CADM2: variants seen among roughly 807,000 people sequenced by gnomAD.
CADM2 encodes the protein immunoglobulin superfamily member 4D.
Under a neutral mutation model 49.8 loss-of-function variants are expected in CADM2, and 12 were observed. That is an observed-to-expected ratio of 0.24 (90% CI 0.15 to 0.39). The LOEUF (loss-of-function observed/expected upper bound fraction) is 0.39, where lower values mean the gene tolerates loss of function less well. CADM2 is among the 10% of genes least tolerant of loss of function. The pLI is 1.00. For synonymous variants in CADM2, 214 were observed against 175.4 expected (o/e 1.22, Z -1.74); for missense variants, 378 against 492.3 (o/e 0.77, Z 2.20).
intron 5 of CADM2, among the ~76,000 whole-genome samples, chr3:85,901,413 G>A (rs899886651): frequency 2.0e-5 from 3 of 152,040 alleles, no homozygotes; most frequent in Admixed American, 2.0e-4. Context: ...AAGTTCAAGT[G>A]CATTCATTGT....
chr3:85,477,886 G>C (rs548861935), intron 1 of CADM2, among the ~76,000 whole-genome samples: 1 of 151,976 alleles, frequency 6.6e-6, no homozygotes, highest in South Asian at 2.1e-4. Context: ...GAGGTTTTCA[G>C]TAAAGCACTA....
At chr3:85,047,534 G>C (rs2035714279) in intron 1 of CADM2, among the ~76,000 whole-genome samples, 1 of 152,148 alleles carries the variant, frequency 6.6e-6, no homozygotes, top group Admixed American at 6.6e-5. Context: ...TGATGGGAGA[G>C]AAGATCACAA....
rs544064276 is a variant in CADM2, at chr3:85,095,084, C to T, written c.61+135416C>T. ...TATTTATAGAATATGGAAACTCATACCCAATGGATGTCTATCAATACCTTT... is the reference window on the plus strand; with the variant it reads ...TATTTATAGAATATGGAAACTCATATCCAATGGATGTCTATCAATACCTTT... On this transcript the variant is annotated intron_variant, in intron 1 of 9. Coordinates refer to ENST00000383699, the MANE Select transcript of CADM2 (RefSeq NM_001167675.2). 2.6e-5 allele frequency among the ~76,000 whole-genome samples: 4 copies of T among 152,196 alleles called. No individual in the cohort carries two copies. In the East Asian group the frequency reaches 7.7e-4, roughly 29 times the overall value.
intron 1 of CADM2, among the ~76,000 whole-genome samples, chr3:85,233,928 T>C (rs2042355842): frequency 2.0e-5 from 3 of 152,124 alleles, no homozygotes; most frequent in African/African-American, 7.2e-5. Flanking sequence ...GTATGAATTA[T>C]TTCCATTCTT....
chr3:85,751,803 T>A (rs2068871803), intron 2 of CADM2, among the ~76,000 whole-genome samples: 2 of 152,268 alleles, frequency 1.3e-5, no homozygotes. Flanking sequence ...TTAAATTCTG[T>A]TTGCTTTTAT....
chr3:85,698,705 C>G (rs896569170), intron 1 of CADM2, among the ~76,000 whole-genome samples: 1 of 152,116 alleles, frequency 6.6e-6, no homozygotes, highest in African/African-American at 2.4e-5. Context: ...TCCCGTGATC[C>G]CATCACCTCC....
At chr3:85,348,006 G>A (rs9810831) in intron 1 of CADM2, among the ~76,000 whole-genome samples, 1,914 of 151,956 alleles carry the variant, frequency 0.013, 45 homozygotes, top group African/African-American at 0.043. Flanking sequence ...ACAGGTTTTC[G>A]CCATGATAAC....
chr3:85,854,982 A>G (rs1364030994), intron 3 of CADM2, among the ~76,000 whole-genome samples: 1 of 152,134 alleles, frequency 6.6e-6, no homozygotes, highest in Non-Finnish European at 1.5e-5. Flanking sequence ...AGTAAGAAGG[A>G]GAAGTTTCCA....
chr3:85,026,436 T>G (rs2034731755), intron 1 of CADM2, among the ~76,000 whole-genome samples: 1 of 152,180 alleles, frequency 6.6e-6, no homozygotes, highest in African/African-American at 2.4e-5. Context: ...TCAAAACTAT[T>G]GCAATATAGC....
Position 85,399,811 on chromosome 3 carries a change from T to C in CADM2, c.62-326711T>C, listed in dbSNP as rs190723959. On this transcript the variant is annotated intron_variant, in intron 1 of 9. Transcript: ENST00000383699. Reference sequence around the variant, plus strand: ...TAAGAATGCTTGTGATTTTTGCACATTGATTTTGTATCCTGAGACTTTTCT... The same window carrying C: ...TAAGAATGCTTGTGATTTTTGCACACTGATTTTGTATCCTGAGACTTTTCT... 2.7e-3 allele frequency among the ~76,000 whole-genome samples: 405 copies of C among 152,306 alleles called. 4 individuals are homozygous for C. The highest frequency in any genetic ancestry group is 9.5e-3 in the African/African-American group (393 of 41,558).
In CADM2 at chr3:85,938,512, C is replaced by T. The variant is rs1288507072; in HGVS notation, c.791+2655C>T. Among the ~76,000 whole-genome samples the T allele has an allele frequency of 2.0e-5, 3 of 151,902 alleles. No homozygotes were observed. In the East Asian group the frequency reaches 5.8e-4, roughly 29 times the overall value. On this transcript the variant is annotated intron_variant, in intron 7 of 9. Coordinates refer to ENST00000383699, the MANE Select transcript of CADM2 (RefSeq NM_001167675.2). The stretch of plus-strand genomic sequence containing the variant: ...TTAAAATAAAACATAATAATAGCAA[C>T]ACATATAATGGGGAGTCTTGCATAT...
chr3:85,350,918 T>G (rs1429055702), intron 1 of CADM2, among the ~76,000 whole-genome samples: 1 of 152,184 alleles, frequency 6.6e-6, no homozygotes, highest in African/African-American at 2.4e-5. Context: ...GTGGAAATAA[T>G]GTTAGCAGAA....
At chr3:85,522,435 C>T (rs1400255382) in intron 1 of CADM2, among the ~76,000 whole-genome samples, 3 of 152,102 alleles carry the variant, frequency 2.0e-5, no homozygotes, top group Non-Finnish European at 2.9e-5. Context: ...ATGACAATTT[C>T]TGCCATTTCT....
chr3:85,641,036 T>G (rs992292046), intron 1 of CADM2, among the ~76,000 whole-genome samples: 1 of 152,184 alleles, frequency 6.6e-6, no homozygotes, highest in African/African-American at 2.4e-5. Context: ...TAAAATCCAC[T>G]CTGGCTACTA....
At chr3:85,498,998 A>G (rs1189791434) in intron 1 of CADM2, among the ~76,000 whole-genome samples, 1 of 152,132 alleles carries the variant, frequency 6.6e-6, no homozygotes, top group Non-Finnish European at 1.5e-5. Context: ...GTTTTCATGT[A>G]TATTATATTC....
At chr3:85,692,951 C>G (rs545558733) in intron 1 of CADM2, among the ~76,000 whole-genome samples, 13 of 152,020 alleles carry the variant, frequency 8.6e-5, no homozygotes, top group African/African-American at 2.4e-4. Flanking sequence ...AGAAGGAGGC[C>G]GGGCGGAGTG....
chr3:85,973,115 A>G (rs1577830159), intron 8 of CADM2, among the ~76,000 whole-genome samples: 2 of 151,874 alleles, frequency 1.3e-5, no homozygotes, highest in South Asian at 2.1e-4. Flanking sequence ...GGGATTAACC[A>G]TGTATAAGCT....
chr3:86,059,333 A>C (rs544106278), intron 8 of CADM2, among the ~76,000 whole-genome samples: 2 of 152,300 alleles, frequency 1.3e-5, no homozygotes, highest in African/African-American at 4.8e-5. Flanking sequence ...ACTATAAATT[A>C]GTGTTATTTT....
chr3:85,878,245 C>T (rs980151502), intron 3 of CADM2, among the ~76,000 whole-genome samples: 1 of 152,100 alleles, frequency 6.6e-6, no homozygotes, highest in Non-Finnish European at 1.5e-5. Flanking sequence ...AAATTCTAAA[C>T]CACATTCTTT....
Sources: gnomAD v4.1 joint callset for allele counts (sites outside exome capture counted in the v4.1 genomes callset) on GRCh38, gnomAD v4.1.1 for gene constraint, MANE v1.5 for transcripts, NCBI Gene and HGNC (gene_info 2026-07-23, HGNC 2026-07-21) for gene names.